Variants in CTNNA2 observed in about 807,000 individuals in gnomAD.
CTNNA2 encodes catenin alpha 2.
In CTNNA2, 42 loss-of-function variants were observed where a neutral mutation model predicts 101.0. The ratio of observed to expected loss-of-function variants is 0.42; its 90% CI spans 0.32 to 0.54. CTNNA2 has a LOEUF of 0.54. CTNNA2 is among the 20% of genes least tolerant of loss of function. CTNNA2 has a pLI of 0.14. For missense variants in CTNNA2, 871 were observed against 1,223.1 expected (o/e 0.71, Z 4.29); for synonymous variants, 450 against 456.4 (o/e 0.99, Z 0.18).
At chr2:79,766,326 T>C (rs993011095) in intron 3 of CTNNA2, among the ~76,000 whole-genome samples, 1 of 152,240 alleles carries the variant, frequency 6.6e-6, no homozygotes, top group African/African-American at 2.4e-5. Flanking sequence ...GTTTTTTTCC[T>C]TCAGCACTTT....
chr2:79,333,045 A>G (rs1328647277), intron 3 of CTNNA2, among the ~76,000 whole-genome samples: 1 of 152,232 alleles, frequency 6.6e-6, no homozygotes, highest in Non-Finnish European at 1.5e-5. Context: ...AAGGGAAAGA[A>G]TAACTATCAG....
At chr2:79,890,948 C>T (rs2974166) in intron 6 of CTNNA2, among the ~76,000 whole-genome samples, 37,309 of 146,142 alleles carry the variant, frequency 0.26, 5,200 homozygotes, top group Middle Eastern at 0.37. Flanking sequence ...GGGCACTAAT[C>T]CCATTGATAA....
At chr2:80,372,550 A>G (rs569093057) in intron 7 of CTNNA2, among the ~76,000 whole-genome samples, 25 of 152,214 alleles carry the variant, frequency 1.6e-4, no homozygotes, top group African/African-American at 6.0e-4. Context: ...CTTTGAGCAT[A>G]CCTGTAAAAT....
Position 80,375,537 on chromosome 2 carries a change from C to T in CTNNA2, c.1057-17674C>T, listed in dbSNP as rs550251330. On this transcript the variant is annotated intron_variant, in intron 7 of 18. Coordinates refer to ENST00000402739, the MANE Select transcript of CTNNA2 (RefSeq NM_001282597.3). ...TGGTTTTACTCAGGACTTTTTACTA[C>T]CTTTTGATTCCTGGTTTCTGGCTTC... is the stretch of plus-strand genomic sequence containing the variant. Among the ~76,000 whole-genome samples the T allele has an allele frequency of 2.0e-5, 3 of 146,524 alleles. No homozygotes were observed. The South Asian group carries it at 6.7e-4, about 33-fold the overall frequency.
intron 6 of CTNNA2, among the ~76,000 whole-genome samples, chr2:79,888,745 T>C (rs1329724969): frequency 5.9e-5 from 9 of 152,210 alleles, no homozygotes; most frequent in Admixed American, 5.9e-4. Flanking sequence ...ATTTTTGCTT[T>C]TGAGAATATT....
At chr2:79,328,971 G>A (rs992253592) in intron 3 of CTNNA2, among the ~76,000 whole-genome samples, 1 of 152,148 alleles carries the variant, frequency 6.6e-6, no homozygotes, top group Admixed American at 6.6e-5. Flanking sequence ...TCTTCACATG[G>A]CATTGTTCCC....
intron 11 of CTNNA2, 135 bp from the exon 12 acceptor site, chr2:80,555,558 A>G: frequency 2.2e-6 from 1 of 456,682 alleles, no homozygotes; most frequent in Non-Finnish European, 3.8e-6. Flanking sequence ...TATGTCCTTT[A>G]CATACAATTT....
intron 8 of CTNNA2, among the ~76,000 whole-genome samples, chr2:80,413,326 C>G (rs1679756620): frequency 6.6e-6 from 1 of 152,034 alleles, no homozygotes; most frequent in South Asian, 2.1e-4. Context: ...TGCTAGTATC[C>G]CAATTAAAAT....
At chr2:79,646,949 G>A (rs980234672) in intron 1 of CTNNA2, among the ~76,000 whole-genome samples, 5 of 152,124 alleles carry the variant, frequency 3.3e-5, no homozygotes, top group Admixed American at 6.5e-5. Flanking sequence ...TTACAATCTT[G>A]TTTTTCACTC....
chr2:80,579,432 A>G (rs1022823939), intron 13 of CTNNA2: 3 of 152,164 alleles, frequency 2.0e-5, no homozygotes, highest in African/African-American at 7.2e-5. Context: ...TAATCTTGTC[A>G]TCTCATCTGT....
chr2:80,635,176 T>G (rs1435018475), intron 18 of CTNNA2, among the ~76,000 whole-genome samples: 1 of 152,174 alleles, frequency 6.6e-6, no homozygotes, highest in Non-Finnish European at 1.5e-5. Context: ...AGTAATCATT[T>G]GAAAATTATT....
chr2:79,820,734 A>G (rs1677934328), intron 3 of CTNNA2, among the ~76,000 whole-genome samples: 1 of 152,230 alleles, frequency 6.6e-6, no homozygotes, highest in Non-Finnish European at 1.5e-5. Context: ...TTCATCTTCA[A>G]TAAATCTCAT....
chr2:80,055,989 A>G (rs551224648), intron 7 of CTNNA2, among the ~76,000 whole-genome samples: 3 of 152,302 alleles, frequency 2.0e-5, no homozygotes, highest in South Asian at 2.1e-4. Flanking sequence ...TTAGCTGTGG[A>G]TGGCTGAAAA....
At chr2:79,422,095 G>C (rs184669230) in intron 4 of CTNNA2, among the ~76,000 whole-genome samples, 2 of 152,298 alleles carry the variant, frequency 1.3e-5, no homozygotes, top group Non-Finnish European at 2.9e-5. Context: ...GGAGGTTGCA[G>C]TGAGCTGAGA....
intron 1 of CTNNA2, among the ~76,000 whole-genome samples, chr2:79,611,510 T>C (rs1315508171): frequency 6.6e-6 from 1 of 152,132 alleles, no homozygotes; most frequent in Non-Finnish European, 1.5e-5. Context: ...AACAAATAAC[T>C]CTTCAGTTAA....
intron 12 of CTNNA2, among the ~76,000 whole-genome samples, chr2:80,556,337 G>A (rs769350330): frequency 9.2e-5 from 14 of 152,156 alleles, no homozygotes; most frequent in South Asian, 2.1e-4. Flanking sequence ...TGAGAGGATA[G>A]GACCTTAAGG....
At chr2:79,544,064 A>T (rs1200585469) in intron 1 of CTNNA2, among the ~76,000 whole-genome samples, 1 of 152,032 alleles carries the variant, frequency 6.6e-6, no homozygotes, top group Non-Finnish European at 1.5e-5. Context: ...CAGCCTCCTG[A>T]GTAGCTGAGA....
At chr2:79,397,218 T>C (rs1267105197) in intron 4 of CTNNA2, among the ~76,000 whole-genome samples, 1 of 152,194 alleles carries the variant, frequency 6.6e-6, no homozygotes, top group Non-Finnish European at 1.5e-5. Flanking sequence ...TTCTTTGTGT[T>C]GGAAACATTA....
intron 7 of CTNNA2, among the ~76,000 whole-genome samples, chr2:80,376,790 A>G (rs528133765): frequency 1.3e-5 from 2 of 152,184 alleles, no homozygotes; most frequent in Non-Finnish European, 2.9e-5. Flanking sequence ...TAATTTCTGC[A>G]AGGCCATCCC....
Sources: allele counts gnomAD v4.1 joint callset (sites outside exome capture counted in the v4.1 genomes callset), GRCh38; gene constraint gnomAD v4.1.1; transcripts MANE v1.5; gene names NCBI Gene and HGNC (gene_info 2026-07-23, HGNC 2026-07-21).